ZDHHC17: variants seen among roughly 807,000 people sequenced by gnomAD.
The protein encoded by ZDHHC17 is palmitoyltransferase ZDHHC17.
In ZDHHC17, 40 loss-of-function variants were observed where a neutral mutation model predicts 90.3. That is an observed-to-expected ratio of 0.44 (90% confidence interval 0.34 to 0.58). The LOEUF is 0.58. Ranked by LOEUF, ZDHHC17 falls within the 20% of genes least tolerant of loss-of-function variation. ZDHHC17 has a pLI of 0.01. For missense variants in ZDHHC17, 614 were observed against 780.8 expected (o/e 0.79, Z 2.55); for synonymous variants, 235 against 252.4 (o/e 0.93, Z 0.65).
Position 76,828,378 on chromosome 12 carries a change from T to C in ZDHHC17, c.1041-12T>C. 6.4e-7 allele frequency: 1 copy of C among 1,574,696 alleles called. No individual in the cohort carries two copies. Among genetic ancestry groups the C allele is most frequent in the Non-Finnish European group, 8.6e-7 (1 of 1,162,936 alleles). On this transcript the variant is annotated splice_polypyrimidine_tract_variant and intron_variant, in intron 9 of 16. Transcript: ENST00000426126. ...TATAGAGCTCATATTTTATAAAACTTGTGTTTTACAGATCCTTTTTCGATC... is the reference window on the plus strand; with the variant it reads ...TATAGAGCTCATATTTTATAAAACTCGTGTTTTACAGATCCTTTTTCGATC...
chr12:76,850,454 C>T (rs1160907991), intron 16 of ZDHHC17, among the ~76,000 whole-genome samples: 1 of 152,078 alleles, frequency 6.6e-6, no homozygotes, highest in Non-Finnish European at 1.5e-5. Context: ...CATGTTGGTG[C>T]ATGTCTGTAG....
rs1952821242 is a variant in ZDHHC17 at position 76,796,523 on chromosome 12, A to G, written c.94-911A>G. Among the ~76,000 whole-genome samples, 5 of 152,214 alleles carry G rather than the reference A, an allele frequency of 3.3e-5. No homozygotes were observed. In the South Asian group the frequency reaches 1.0e-3, roughly 32 times the overall value. On this transcript the variant is annotated intron_variant, in intron 1 of 16. Transcript: ENST00000426126. ...TTTATGTAAATTAAATTTTATATAT[A>G]TGGATTTTTATATAAAATCTTTTTA... is the stretch of plus-strand genomic sequence containing the variant.
In ZDHHC17 at chr12:76,848,289, A is replaced by T; in HGVS notation, c.1564A>T (p.Thr522Ser). The change falls in exon 15 of 17, where the codon ACT becomes TCT. Residue 522 changes from threonine (T) to serine (S), a missense_variant. This residue lies in a region of ZDHHC17 where 111 missense variants were observed against 179.8 expected (regional missense o/e 0.62). Transcript: ENST00000426126. ...YTKDGFWTYITQIATCSPWMF... is the reference protein window; with the variant it reads ...YTKDGFWTYISQIATCSPWMF... ...CAAGGATGGATTTTGGACATACATT[A>T]CTCAGATTGCCACGTGTTCACCTTG... is the stretch of plus-strand genomic sequence containing the variant. 1.9e-6 allele frequency: 3 copies of T among 1,613,904 alleles called. No individual in the cohort carries two copies. Among genetic ancestry groups the T allele is most frequent in the Non-Finnish European group, 2.5e-6 (3 of 1,179,858 alleles).
At position 76,846,537 on chromosome 12, in the gene ZDHHC17, G is replaced by A. The variant is rs1008047198; in HGVS notation, c.1424-59G>A. On this transcript the variant is annotated intron_variant, in intron 13 of 16. Transcript: ENST00000426126. Reference sequence around the variant, plus strand: ...ACCTTTCATGGCATACCCCTCAAAGGTGCATTACCCGTTGTTTTTTTCTTA... The same window carrying A: ...ACCTTTCATGGCATACCCCTCAAAGATGCATTACCCGTTGTTTTTTTCTTA... 3.9e-6 allele frequency: 5 copies of A among 1,287,778 alleles called. No homozygotes were observed. The African/African-American group carries it at 5.8e-5, about 15-fold the overall frequency. The allele number at this position is 1,287,778 out of a possible 1,614,324, so 79.8% of individuals were successfully genotyped here. A position where few individuals can be genotyped will look rare whatever the true frequency, so the allele number is the denominator to read the frequency against.
At chr12:76,800,925 TCGC>T (rs1952880188) in intron 2 of ZDHHC17, among the ~76,000 whole-genome samples, 1 of 146,036 alleles carries the variant, frequency 6.8e-6, no homozygotes, top group African/African-American at 2.5e-5. Flanking sequence ...TCTTGCTCTA[TCGC>T]CTAGGCTGGA....
rs1259878102 is a variant in ZDHHC17 at position 76,843,106 on chromosome 12, A to G, written c.1329+125A>G. On this transcript the variant is annotated intron_variant, in intron 12 of 16. Coordinates refer to ENST00000426126, the MANE Select transcript of ZDHHC17 (RefSeq NM_015336.4). ...ATGAACACATTCCCTGCTTCTTGGT[A>G]TAAGAGGAAAGATGGTTAAAGGATG... is the stretch of plus-strand genomic sequence containing the variant. 38 of 664,330 alleles carry G rather than the reference A, an allele frequency of 5.7e-5. No homozygotes were observed. In the Middle Eastern group the frequency reaches 3.7e-3, roughly 65 times the overall value. 41.2% of individuals were successfully genotyped at this position (664,330 alleles called of 1,614,324 possible).
At chr12:76,776,114 G>GAA (rs140531915) in intron 1 of ZDHHC17, among the ~76,000 whole-genome samples, 1 of 149,390 alleles carries the variant, frequency 6.7e-6, no homozygotes, top group African/African-American at 2.5e-5. Flanking sequence ...GGTACAGGTG[G>GAA]AAAAAAAAAA....
At chr12:76,814,251 A>C (rs1953058428) in intron 5 of ZDHHC17, among the ~76,000 whole-genome samples, 1 of 151,988 alleles carries the variant, frequency 6.6e-6, no homozygotes, top group South Asian at 2.1e-4. Context: ...TGGAAGTTTT[A>C]GTTATAATTT....
intron 1 of ZDHHC17, among the ~76,000 whole-genome samples, chr12:76,766,701 C>T (rs771133410): frequency 6.6e-6 from 1 of 152,050 alleles, no homozygotes; most frequent in South Asian, 2.1e-4. Context: ...TGCTTAATTT[C>T]TTTAAGCTTC....
chr12:76,806,010 T>C (rs758188532), intron 3 of ZDHHC17, among the ~76,000 whole-genome samples: 4 of 152,208 alleles, frequency 2.6e-5, no homozygotes, highest in Admixed American at 6.5e-5. Context: ...AATAGTTAGA[T>C]AATCAAGAGT....
Position 76,828,945 on chromosome 12 carries a change from G to T in ZDHHC17, c.1141+455G>T, listed in dbSNP as rs118065994. Among the ~76,000 whole-genome samples the T allele has an allele frequency of 3.7e-3, 560 of 152,170 alleles. 6 individuals are homozygous for T. The East Asian group carries it at 0.052, about 14-fold the overall frequency. On this transcript the variant is annotated intron_variant, in intron 10 of 16. Coordinates refer to ENST00000426126, the MANE Select transcript of ZDHHC17 (RefSeq NM_015336.4). ...AGACACAGACAGACATTTCTCCAAG[G>T]ACATACAAGTGGCCAAACGTGAAAA...
intron 10 of ZDHHC17, among the ~76,000 whole-genome samples, chr12:76,832,285 C>A (rs1953312909): frequency 6.6e-6 from 1 of 152,224 alleles, no homozygotes; most frequent in South Asian, 2.1e-4. Context: ...TGTCCAGGAT[C>A]ACTTCTGATG....
At chr12:76,849,025 C>G (rs1136295) in intron 15 of ZDHHC17, among the ~76,000 whole-genome samples, 15,969 of 149,636 alleles carry the variant, frequency 0.11, 906 homozygotes, top group African/African-American at 0.14. Flanking sequence ...GTGGCTCACA[C>G]CTGTAATCCC....
intron 10 of ZDHHC17, among the ~76,000 whole-genome samples, chr12:76,833,307 G>A (rs920051938): frequency 6.6e-6 from 1 of 152,118 alleles, no homozygotes; most frequent in Non-Finnish European, 1.5e-5. Context: ...AAAGACTGAG[G>A]CTCTGAGAAG....
At chr12:76,822,670 T>G (rs1432872809) in intron 8 of ZDHHC17, 139 bp downstream of exon 8, 7 of 669,188 alleles carry the variant, frequency 1.0e-5, no homozygotes, top group Non-Finnish European at 1.5e-5. Context: ...TTCTTGTGCC[T>G]CAGCCTCCTG....
chr12:76,788,713 T>TTTTTTTTTTTTTTTTTTTTTTG, intron 1 of ZDHHC17, among the ~76,000 whole-genome samples: 1 of 144,658 alleles, frequency 6.9e-6, no homozygotes, highest in Non-Finnish European at 1.5e-5. Context: ...TTTTTTTTTT[T>TTTTTTTTTTTTTTTTTTTTTTG]TGAGCAGAGT....
At chr12:76,840,308 A>T (rs2137800796) in intron 10 of ZDHHC17, 1 of 150,474 alleles carries the variant, frequency 6.6e-6, no homozygotes, top group East Asian at 1.9e-4. Context: ...GAAAACAGCC[A>T]TATATTCATA....
At chr12:76,823,063 G>T (rs1431794539) in intron 8 of ZDHHC17, among the ~76,000 whole-genome samples, 1 of 151,868 alleles carries the variant, frequency 6.6e-6, no homozygotes, top group Non-Finnish European at 1.5e-5. Context: ...TAATAATTAA[G>T]AAGGATGGGT....
At chr12:76,811,726 C>T (rs1953024305) in intron 5 of ZDHHC17, among the ~76,000 whole-genome samples, 2 of 94,482 alleles carry the variant, frequency 2.1e-5, no homozygotes, top group South Asian at 5.8e-4. Flanking sequence ...CACCTCTCCC[C>T]TTGGCCATCT....
Sources: gnomAD v4.1 joint callset for allele counts (sites outside exome capture counted in the v4.1 genomes callset) on GRCh38, gnomAD v4.1.1 for gene constraint, gnomAD v4.1.1 regional missense constraint, MANE v1.5 for transcripts, NCBI Gene and HGNC (gene_info 2026-07-23, HGNC 2026-07-21) for gene names.